Variants in PRKACA observed in about 807,000 individuals in gnomAD.
PRKACA encodes cAMP-dependent protein kinase catalytic subunit alpha.
Under a neutral mutation model 45.8 loss-of-function variants are expected in PRKACA, and 9 were observed. That is an observed-to-expected ratio of 0.20 (90% CI 0.12 to 0.34). The LOEUF is 0.34. Ranked by LOEUF, PRKACA falls within the 10% of genes least tolerant of loss-of-function variation. PRKACA has a pLI of 1.00. For missense variants in PRKACA, 238 were observed against 458.6 expected (o/e 0.52, Z 4.39); for synonymous variants, 160 against 178.6 (o/e 0.90, Z 0.83).
At chr19:14,109,167 C>T (rs955271785) in intron 1 of PRKACA, among the ~76,000 whole-genome samples, 4 of 150,758 alleles carry the variant, frequency 2.7e-5, no homozygotes, top group East Asian at 2.0e-4. Flanking sequence ...GCCAACATGG[C>T]GAAACCCCAT....
chr19:14,102,921 A>G lies in PRKACA; in HGVS notation c.238-7T>C, dbSNP rs1471154011. 1 of 1,605,212 alleles carries G rather than the reference A, an allele frequency of 6.2e-7. No homozygotes were observed. Among genetic ancestry groups the G allele is most frequent in the African/African-American group, 1.3e-5 (1 of 74,872 alleles). ...TCTGTTTCAGTTTCACCACCTGGGAAGGGAAGGAGGGGAGGGCAGAAAGGA... is the reference window on the plus strand; with the variant it reads ...TCTGTTTCAGTTTCACCACCTGGGAGGGGAAGGAGGGGAGGGCAGAAAGGA... On this transcript the variant is annotated splice_polypyrimidine_tract_variant and splice_region_variant and intron_variant, in intron 3 of 9. Transcript: ENST00000308677.
chr19:14,102,521 T>C (rs907241643), intron 4 of PRKACA, among the ~76,000 whole-genome samples: 1 of 152,146 alleles, frequency 6.6e-6, no homozygotes, highest in Non-Finnish European at 1.5e-5. Context: ...GGGGCAGAGT[T>C]TGTGCTCCTG....
chr19:14,093,477 C>A, intron 9 of PRKACA, 151 bp downstream of exon 9: 1 of 1,148,124 alleles, frequency 8.7e-7, no homozygotes, highest in East Asian at 2.4e-5. Flanking sequence ...CAAATGACCC[C>A]AGAATCCCAT....
At chr19:14,103,105 C>A (rs558561610) in intron 3 of PRKACA, among the ~76,000 whole-genome samples, 191 bp from the exon 4 acceptor site, 1 of 152,256 alleles carries the variant, frequency 6.6e-6, no homozygotes, top group Non-Finnish European at 1.5e-5. Flanking sequence ...GGCTGCTTGT[C>A]CTTGCACGGC....
At chr19:14,104,730 G>A (rs1243304731) in intron 3 of PRKACA, among the ~76,000 whole-genome samples, 1 of 150,562 alleles carries the variant, frequency 6.6e-6, no homozygotes. Flanking sequence ...AAAATTAGCT[G>A]GGCGTGGTAG....
chr19:14,102,904 A>G lies in PRKACA; in HGVS notation c.248T>C (p.Leu83Pro), dbSNP rs1440498804. 1 of 1,613,844 alleles carries G rather than the reference A, an allele frequency of 6.2e-7. No individual in the cohort carries two copies. Among genetic ancestry groups the G allele is most frequent in the Non-Finnish European group, 8.5e-7 (1 of 1,179,742 alleles). The change falls in exon 4 of 10, where the codon CTG (leucine) becomes CCG (proline). Residue 83 changes from leucine (L) to proline (P), a missense_variant. Physicochemically the swap from Leu to Pro is moderately conservative, Grantham distance 98. Coordinates refer to ENST00000308677, the MANE Select transcript of PRKACA (RefSeq NM_002730.4). The stretch of plus-strand genomic sequence containing the variant: ...ATTCAGGGTGTGTTCGATCTGTTTC[A>G]GTTTCACCACCTGGGAAGGGAAGGA... ...KILDKQKVVK[L>P]KQIEHTLNEK... is the part of the protein sequence containing the mutation.
rs1456697242 is a variant in PRKACA, at chr19:14,100,851, G to A, written c.394C>T (p.His132Tyr). 5.0e-6 allele frequency: 8 copies of A among 1,614,008 alleles called. No individual in the cohort carries two copies. In the Admixed American group the frequency reaches 5.0e-5, roughly 10 times the overall value. Residue 132 changes from histidine (H) to tyrosine (Y), a missense_variant, in exon 5 of 10, where the codon CAC becomes TAC. By Grantham distance (83) the His-to-Tyr change is moderately conservative. Transcript: ENST00000308677. ...EYVPGGEMFSHLRRIGRFSEP... is the reference protein window; with the variant it reads ...EYVPGGEMFSYLRRIGRFSEP... ...CTGAACCTTCCGATCCGCCGTAGGT[G>A]TGAGAACATCTCCCCGCCGGGCACG...
intron 1 of PRKACA, among the ~76,000 whole-genome samples, chr19:14,112,856 G>A (rs1967008501): frequency 6.6e-6 from 1 of 152,210 alleles, no homozygotes; most frequent in Non-Finnish European, 1.5e-5. Flanking sequence ...TGGGCAGAGG[G>A]GAAAGAGTTA....
Position 14,097,455 on chromosome 19 carries a change from G to A in PRKACA, c.671C>T (p.Ala224Val). The change falls in exon 8 of 10, where the codon GCC becomes GTC. Residue 224 changes from alanine (A) to valine (V), a missense_variant. By Grantham distance (64) the Ala-to-Val change is moderately conservative. This residue lies in a region of PRKACA where 94 missense variants were observed against 240.9 expected (regional missense o/e 0.39). Coordinates refer to ENST00000308677, the MANE Select transcript of PRKACA (RefSeq NM_002730.4). This position sits in a 1 kb window ranked among gnomAD's most constrained non-coding sequence, Gnocchi z 5.4. Reference sequence around the variant, plus strand: ...CATTTCATAGATAAGAACCCCCAGGGCCCACCAGTCCACGGCCTTGTTGTA... The same window carrying A: ...CATTTCATAGATAAGAACCCCCAGGACCCACCAGTCCACGGCCTTGTTGTA... The part of the protein sequence containing the change: ...KGYNKAVDWW[A>V]LGVLIYEMAA... The A allele has an allele frequency of 6.2e-7, 1 of 1,614,074 alleles. No homozygotes were observed. Among genetic ancestry groups the A allele is most frequent in the Non-Finnish European group, 8.5e-7 (1 of 1,180,030 alleles).
intron 4 of PRKACA, chr19:14,101,288 C>T (rs190730625): frequency 3.0e-5 from 7 of 230,760 alleles, no homozygotes; most frequent in East Asian, 9.9e-5. Context: ...TACAGAGGGT[C>T]GGGTGTGGTG....
At chr19:14,096,600 C>G (rs1977266251) in intron 8 of PRKACA, 1 of 155,000 alleles carries the variant, frequency 6.5e-6, no homozygotes, top group Non-Finnish European at 1.4e-5. Context: ...AGATGCTGGA[C>G]CAAGTCGGGG....
intron 8 of PRKACA, among the ~76,000 whole-genome samples, chr19:14,094,839 CTCT>C (rs1977198189): frequency 1.3e-5 from 2 of 152,264 alleles, no homozygotes; most frequent in South Asian, 4.1e-4. Context: ...CCCAGCTCAA[CTCT>C]TCTTGAAAGT....
At chr19:14,108,550 G>A (rs79790375) in intron 1 of PRKACA, among the ~76,000 whole-genome samples, 5,377 of 151,664 alleles carry the variant, frequency 0.035, 290 homozygotes, top group African/African-American at 0.12. Context: ...TGGGACTACA[G>A]ACGCCTGCCA....
Position 14,103,592 on chromosome 19 carries a change from C to T in PRKACA, c.238-678G>A, listed in dbSNP as rs1440432491. 2.0e-5 allele frequency among the ~76,000 whole-genome samples: 3 copies of T among 152,156 alleles called. No homozygotes were observed. In the East Asian group the frequency reaches 5.8e-4, roughly 29 times the overall value. ...GTCAGGCTGGTGTGTAACATGTGGC[C>T]AGCCTGGTCCCTCAGTCAGCTGTCA... is the stretch of plus-strand genomic sequence containing the variant. On this transcript the variant is annotated intron_variant, in intron 3 of 9. Transcript: ENST00000308677.
chr19:14,110,015 C>T (rs1186191645), intron 1 of PRKACA, among the ~76,000 whole-genome samples: 2 of 119,580 alleles, frequency 1.7e-5, no homozygotes, highest in Admixed American at 1.8e-4. Context: ...CACACACACA[C>T]ACACATAGGG....
chr19:14,106,826 C>T lies in PRKACA; in HGVS notation c.171G>A (p.Arg57=). 1.9e-6 allele frequency: 3 copies of T among 1,614,202 alleles called. No individual in the cohort carries two copies. Among genetic ancestry groups the T allele is most frequent in the Non-Finnish European group, 2.5e-6 (3 of 1,180,040 alleles). The change falls in exon 3 of 10, where the codon CGG becomes CGA. Residue 57 remains arginine (R), a synonymous_variant. Coordinates refer to ENST00000308677, the MANE Select transcript of PRKACA (RefSeq NM_002730.4). The part of the protein sequence containing the change: ...IKTLGTGSFG[R]VMLVKHKETG... ...TCTCCTTGTGTTTCACCAGCATCAC[C>T]CGCCCGAAGGAGCCCGTGCCGAGGG...
At chr19:14,093,336 TGACTCA>T in intron 9 of PRKACA, 99 bp from the exon 10 acceptor site, 1 of 1,471,034 alleles carries the variant, frequency 6.8e-7, no homozygotes, top group Non-Finnish European at 9.3e-7. Context: ...ATATTTACTC[TGACTCA>T]GGCCTGTGCT....
chr19:14,115,582 C>T (rs2144498492), intron 1 of PRKACA, among the ~76,000 whole-genome samples: 1 of 152,304 alleles, frequency 6.6e-6, no homozygotes, highest in African/African-American at 2.4e-5. Context: ...TAGCCTGTGG[C>T]ACAGCCTAGA....
chr19:14,097,318 G>T lies in PRKACA; in HGVS notation c.765+43C>A. On this transcript the variant is annotated intron_variant, in intron 8 of 9. Coordinates refer to ENST00000308677, the MANE Select transcript of PRKACA (RefSeq NM_002730.4). This position sits in a 1 kb window ranked among gnomAD's most constrained non-coding sequence, Gnocchi z 5.4. ...GGAATAGGATGGGTGAGCAGGGAAC[G>T]GTCTGTTTCTTCCAGGGCTGTGTCC... 1.2e-6 allele frequency: 2 copies of T among 1,613,062 alleles called. No individual in the cohort carries two copies. Among genetic ancestry groups the T allele is most frequent in the Non-Finnish European group, 8.5e-7 (1 of 1,179,316 alleles).
Sources: gnomAD v4.1 joint callset for allele counts (sites outside exome capture counted in the v4.1 genomes callset) on GRCh38, gnomAD v4.1.1 for gene constraint, gnomAD v4.1.1 regional missense constraint, Gnocchi (gnomAD v3.1) non-coding constraint, MANE v1.5 for transcripts, NCBI Gene and HGNC (gene_info 2026-07-23, HGNC 2026-07-21) for gene names.